Variants in EPHA6 observed in about 807,000 individuals in gnomAD.
EPHA6 encodes ephrin type-A receptor 6.
Under a neutral mutation model 112.0 loss-of-function variants are expected in EPHA6, and 50 were observed. That is an observed-to-expected ratio of 0.45 (90% confidence interval 0.36 to 0.56). EPHA6 has a LOEUF of 0.56. EPHA6 is among the 20% of genes least tolerant of loss of function. The pLI, the probability that EPHA6 is intolerant of heterozygous loss-of-function variation, is 0.00. For synonymous variants in EPHA6, 529 were observed against 490.7 expected, an observed-to-expected ratio of 1.08 and a Z score of -1.03; for missense variants, 1,280 against 1,417.4, an observed-to-expected ratio of 0.90 and a Z score of 1.56.
intron 2 of EPHA6, among the ~76,000 whole-genome samples, chr3:96,928,529 T>A (rs2040155461): frequency 6.6e-6 from 1 of 152,180 alleles, no homozygotes; most frequent in South Asian, 2.1e-4. Context: ...TTGGAGTATT[T>A]TACTTCTGAT....
intron 2 of EPHA6, among the ~76,000 whole-genome samples, chr3:96,944,882 G>A (rs531169632): frequency 3.9e-5 from 6 of 152,280 alleles, no homozygotes; most frequent in African/African-American, 1.4e-4. Context: ...AGAGGTTGCA[G>A]TGAGCCAATA....
intron 2 of EPHA6, among the ~76,000 whole-genome samples, chr3:96,979,943 T>G (rs565238902): frequency 1.2e-4 from 18 of 152,098 alleles, no homozygotes; most frequent in Admixed American, 2.0e-4. Flanking sequence ...TGTAGATGCT[T>G]GATATTAGCC....
chr3:96,877,823 A>G (rs1206454927), intron 2 of EPHA6, among the ~76,000 whole-genome samples: 1 of 151,820 alleles, frequency 6.6e-6, no homozygotes, highest in Non-Finnish European at 1.5e-5. Flanking sequence ...ATAATTAGCA[A>G]TGTATATGCA....
At chr3:97,266,542 A>G (rs896677113) in intron 5 of EPHA6, among the ~76,000 whole-genome samples, 1 of 152,186 alleles carries the variant, frequency 6.6e-6, no homozygotes, top group African/African-American at 2.4e-5. Flanking sequence ...AGCCCAGACA[A>G]CTGGTCCCAG....
intron 3 of EPHA6, among the ~76,000 whole-genome samples, chr3:97,180,591 C>G (rs1250697580): frequency 6.6e-6 from 1 of 152,036 alleles, no homozygotes; most frequent in Non-Finnish European, 1.5e-5. Context: ...AAGACTGGGT[C>G]TTTTCCTTCA....
intron 10 of EPHA6, among the ~76,000 whole-genome samples, chr3:97,493,284 G>A (rs2091898484): frequency 1.3e-5 from 2 of 151,588 alleles, no homozygotes; most frequent in South Asian, 2.1e-4. Context: ...GTATTAGTCA[G>A]CTTCACTGTC....
In EPHA6 at chr3:97,754,090, T is replaced by C. The variant is rs1427546742; in HGVS notation, c.*5389T>C. On this transcript the variant is annotated 3_prime_UTR_variant, in exon 18 of 18. Coordinates refer to ENST00000389672, the MANE Select transcript of EPHA6 (RefSeq NM_001080448.3). The stretch of plus-strand genomic sequence containing the variant: ...TAAAAAATAACATTTATATCTTTTT[T>C]TTTTTTTTTTTTTTTGAGATGGAGT... Among the ~76,000 whole-genome samples, 1 of 144,852 alleles carries C rather than the reference T, an allele frequency of 6.9e-6. No individual in the cohort carries two copies. Among genetic ancestry groups the C allele is most frequent in the East Asian group, 2.0e-4 (1 of 5,118 alleles).
intron 13 of EPHA6, among the ~76,000 whole-genome samples, chr3:97,619,435 G>T (rs1050265955): frequency 2.8e-5 from 2 of 71,908 alleles, no homozygotes; most frequent in South Asian, 8.7e-4. Flanking sequence ...ATAGAAAAAG[G>T]GGGGGGGGGG....
chr3:97,071,512 G>A (rs1464965946), intron 3 of EPHA6, among the ~76,000 whole-genome samples: 1 of 151,934 alleles, frequency 6.6e-6, no homozygotes, highest in Non-Finnish European at 1.5e-5. Flanking sequence ...ACATGCCGGT[G>A]GCAAGAGAAA....
chr3:97,740,785 T>G (rs2035469902), intron 16 of EPHA6, among the ~76,000 whole-genome samples: 1 of 152,192 alleles, frequency 6.6e-6, no homozygotes, highest in Admixed American at 6.5e-5. Flanking sequence ...ATATAAAATT[T>G]TCTACTTATT....
At chr3:97,136,034 G>T (rs1309897456) in intron 3 of EPHA6, among the ~76,000 whole-genome samples, 1 of 152,066 alleles carries the variant, frequency 6.6e-6, no homozygotes, top group Admixed American at 6.5e-5. Flanking sequence ...GTTCTACATT[G>T]AAACAGGAAC....
intron 5 of EPHA6, among the ~76,000 whole-genome samples, chr3:97,343,408 A>G (rs1375841509): frequency 1.3e-5 from 2 of 152,198 alleles, no homozygotes; most frequent in Admixed American, 6.5e-5. Flanking sequence ...GACTGCATAT[A>G]GTAAAATGAA....
At chr3:97,591,082 C>A (rs1222569797) in intron 11 of EPHA6, among the ~76,000 whole-genome samples, 3 of 152,202 alleles carry the variant, frequency 2.0e-5, no homozygotes, top group African/African-American at 7.2e-5. Context: ...GGGACTCCAG[C>A]TCTTCATGAC....
At chr3:97,397,461 C>T (rs1159930472) in intron 5 of EPHA6, among the ~76,000 whole-genome samples, 1 of 151,450 alleles carries the variant, frequency 6.6e-6, no homozygotes, top group Non-Finnish European at 1.5e-5. Flanking sequence ...TATATGGAAG[C>T]CTCATTTTAA....
At chr3:97,485,212 CCT>C (rs1553789128) in intron 10 of EPHA6, among the ~76,000 whole-genome samples, 1 of 152,174 alleles carries the variant, frequency 6.6e-6, no homozygotes, top group Non-Finnish European at 1.5e-5. Context: ...AGCTGATGAT[CCT>C]CTGTTTCTTT....
chr3:97,332,617 C>T (rs1039975675), intron 5 of EPHA6, among the ~76,000 whole-genome samples: 7 of 152,048 alleles, frequency 4.6e-5, no homozygotes, highest in Non-Finnish European at 7.4e-5. Flanking sequence ...ACATGTATGT[C>T]AGTCTGTAAT....
chr3:97,580,553 G>T (rs917342043), intron 11 of EPHA6, among the ~76,000 whole-genome samples: 3 of 152,146 alleles, frequency 2.0e-5, no homozygotes, highest in Non-Finnish European at 4.4e-5. Flanking sequence ...TTTGAACTCA[G>T]TTTAATGGCC....
chr3:96,882,105 G>T (rs1167632509), intron 2 of EPHA6, among the ~76,000 whole-genome samples: 1 of 152,122 alleles, frequency 6.6e-6, no homozygotes, highest in Non-Finnish European at 1.5e-5. Flanking sequence ...CTGGAGGATG[G>T]TGGCCCTCTT....
At chr3:97,583,997 C>T (rs79330331) in intron 11 of EPHA6, among the ~76,000 whole-genome samples, 4,143 of 152,084 alleles carry the variant, frequency 0.027, 78 homozygotes, top group Middle Eastern at 0.054. Flanking sequence ...TAGTCTGCCC[C>T]GATCCCTGAA....
Sources: allele counts gnomAD v4.1 joint callset (sites outside exome capture counted in the v4.1 genomes callset), GRCh38; gene constraint gnomAD v4.1.1; transcripts MANE v1.5; gene names NCBI Gene and HGNC (gene_info 2026-07-23, HGNC 2026-07-21).